The following CYTH3 variants were observed in gnomAD, a reference collection of about 807,000 sequenced individuals.
CYTH3 encodes cytohesin 3, also known as cytohesin-3.
CYTH3 carries 23 observed loss-of-function variants against 55.1 expected under a neutral mutation model. That is an observed-to-expected ratio of 0.42 (90% CI 0.30 to 0.59). CYTH3 has a LOEUF of 0.59. CYTH3 is among the 20% of genes least tolerant of loss of function. The probability of loss-of-function intolerance (pLI) is 0.20; values close to 1 mark genes in which losing one functional copy is unlikely to be tolerated. For synonymous variants in CYTH3, 249 were observed against 194.9 expected, an observed-to-expected ratio of 1.28 and a Z score of -2.31; for missense variants, 413 against 524.8, an observed-to-expected ratio of 0.79 and a Z score of 2.08.
intron 1 of CYTH3, among the ~76,000 whole-genome samples, chr7:6,230,679 T>C (rs1583181173): frequency 6.6e-6 from 1 of 152,086 alleles, no homozygotes; most frequent in Admixed American, 6.6e-5. Flanking sequence ...CTTTACTACA[T>C]GAGAAGGATC....
chr7:6,241,842 C>G (rs1779680653), intron 1 of CYTH3, among the ~76,000 whole-genome samples: 2 of 151,968 alleles, frequency 1.3e-5, no homozygotes, highest in Non-Finnish European at 2.9e-5. Context: ...CTCTGTGTAG[C>G]GAAATGATCT....
intron 1 of CYTH3, among the ~76,000 whole-genome samples, chr7:6,220,994 T>A (rs534674826): frequency 1.5e-4 from 22 of 149,046 alleles, no homozygotes; most frequent in Non-Finnish European, 2.7e-4. Context: ...AGACCCCTTC[T>A]CCAAAAAAAA....
In CYTH3 at chr7:6,165,572, G is replaced by A. The variant is rs575115053; in HGVS notation, c.945C>T (p.Ile315=). Residue 315 remains isoleucine (I), a synonymous_variant, in exon 11 of 13, where the codon ATC becomes ATT. Coordinates refer to ENST00000350796, the MANE Select transcript of CYTH3 (RefSeq NM_004227.4). ...RGIIPLENLS[I]REVEDPRKPN... is the part of the protein sequence containing the mutation. ...GTTTCCGGGGGTCCTCCACCTCCCT[G>A]ATGCTGAGGTTTTCCAACGGGATGA... is the stretch of plus-strand genomic sequence containing the variant. 2.2e-5 allele frequency: 35 copies of A among 1,614,124 alleles called. No individual in the cohort carries two copies. In the East Asian group the frequency reaches 7.6e-4, roughly 35 times the overall value.
At chr7:6,266,511 C>T (rs1780497537) in intron 1 of CYTH3, among the ~76,000 whole-genome samples, 1 of 152,178 alleles carries the variant, frequency 6.6e-6, no homozygotes, top group African/African-American at 2.4e-5. Flanking sequence ...ATAAAATCTG[C>T]ATTCCTTAGC....
rs1277447124 is a variant in CYTH3 at position 6,162,817 on chromosome 7, C to G, written c.*2127G>C. 3 of 152,626 alleles carry G rather than the reference C, an allele frequency of 2.0e-5. No homozygotes were observed. Among genetic ancestry groups the G allele is most frequent in the East Asian group, 1.9e-4 (1 of 5,194 alleles). The allele number at this position is 152,626 out of a possible 1,614,324, so 9.5% of individuals were successfully genotyped here. A position where few individuals can be genotyped will look rare whatever the true frequency, so the allele number is the denominator to read the frequency against. On this transcript the variant is annotated 3_prime_UTR_variant, in exon 13 of 13. Coordinates refer to ENST00000350796, the MANE Select transcript of CYTH3 (RefSeq NM_004227.4). The stretch of plus-strand genomic sequence containing the variant: ...CCCAAAACAGAAAGCTCTGCATCCC[C>G]AGGTCACACCTGGGTTGGTCAGAAG...
At chr7:6,254,319 C>T (rs769396994) in intron 1 of CYTH3, among the ~76,000 whole-genome samples, 1 of 152,006 alleles carries the variant, frequency 6.6e-6, no homozygotes, top group Non-Finnish European at 1.5e-5. Context: ...CTGGGGAAAG[C>T]AGAATGTGTA....
rs543900648 is a variant in CYTH3 at position 6,213,473 on chromosome 7, G to A, written c.35-22942C>T. Among the ~76,000 whole-genome samples the A allele has an allele frequency of 6.6e-5, 10 of 152,154 alleles. No individual in the cohort carries two copies. In the East Asian group the frequency reaches 1.4e-3, roughly 21 times the overall value. ...AACGTTGGTGCCTATCTACAACAACGACGGCTCTGATTCCATTCTTTGCAA... is the reference window on the plus strand; with the variant it reads ...AACGTTGGTGCCTATCTACAACAACAACGGCTCTGATTCCATTCTTTGCAA... On this transcript the variant is annotated intron_variant, in intron 1 of 12. Coordinates refer to ENST00000350796, the MANE Select transcript of CYTH3 (RefSeq NM_004227.4).
intron 4 of CYTH3, 41 bp from the exon 5 acceptor site, chr7:6,177,982 C>A (rs1783391670): frequency 6.8e-7 from 1 of 1,471,952 alleles, no homozygotes; most frequent in South Asian, 1.1e-5. Flanking sequence ...AGGAGTGTCA[C>A]TCAAACTCAT....
chr7:6,239,996 T>G (rs1464071711), intron 1 of CYTH3, among the ~76,000 whole-genome samples: 1 of 152,198 alleles, frequency 6.6e-6, no homozygotes, highest in Non-Finnish European at 1.5e-5. Flanking sequence ...TTAATTTATA[T>G]ATTTAATGCA....
chr7:6,165,249 C>T lies in CYTH3; in HGVS notation c.1127+24G>A, dbSNP rs1458342122. 9 of 1,597,514 alleles carry T rather than the reference C, an allele frequency of 5.6e-6. No individual in the cohort carries two copies. The South Asian group carries it at 9.0e-5, about 16-fold the overall frequency. The stretch of plus-strand genomic sequence containing the variant: ...AACCGGCACGAGAAGACGGGCCTGG[C>T]CCCGCCCCCGAGGCCCCACTCACTT... On this transcript the variant is annotated intron_variant, in intron 12 of 12. Transcript: ENST00000350796.
intron 1 of CYTH3, among the ~76,000 whole-genome samples, chr7:6,207,484 G>C (rs1243414186): frequency 6.6e-6 from 1 of 152,116 alleles, no homozygotes; most frequent in Non-Finnish European, 1.5e-5. Flanking sequence ...TGATGTTTGA[G>C]TCAGGTGGAG....
At chr7:6,226,632 G>A (rs1009692982) in intron 1 of CYTH3, among the ~76,000 whole-genome samples, 1 of 152,088 alleles carries the variant, frequency 6.6e-6, no homozygotes, top group Non-Finnish European at 1.5e-5. Flanking sequence ...ATTTCAACCC[G>A]TGTTGTGAGT....
At chr7:6,240,355 T>C (rs1779643203) in intron 1 of CYTH3, among the ~76,000 whole-genome samples, 1 of 148,266 alleles carries the variant, frequency 6.7e-6, no homozygotes, top group African/African-American at 2.5e-5. Flanking sequence ...GATGAGCAGA[T>C]TCTAAAGATC....
At chr7:6,190,124 G>A (rs556158652) in intron 2 of CYTH3, among the ~76,000 whole-genome samples, 13 of 152,278 alleles carry the variant, frequency 8.5e-5, no homozygotes, top group Non-Finnish European at 1.5e-4. Flanking sequence ...CAATGCGCTC[G>A]TGGCTTGCTG....
At chr7:6,188,889 C>A (rs903049160) in intron 2 of CYTH3, 1 of 152,182 alleles carries the variant, frequency 6.6e-6, no homozygotes, top group Non-Finnish European at 1.5e-5. Context: ...TGAAGGGTAA[C>A]CTTAGAAGAA....
intron 1 of CYTH3, among the ~76,000 whole-genome samples, chr7:6,270,333 T>C (rs1780617265): frequency 6.6e-6 from 1 of 152,190 alleles, no homozygotes; most frequent in Non-Finnish European, 1.5e-5. Context: ...ACTAAATCAA[T>C]AAAGGTTAAA....
At chr7:6,242,568 G>A (rs1185583375) in intron 1 of CYTH3, among the ~76,000 whole-genome samples, 1 of 150,760 alleles carries the variant, frequency 6.6e-6, no homozygotes, top group Non-Finnish European at 1.5e-5. Context: ...GTAGAGATGG[G>A]GTTTCACCAT....
chr7:6,186,480 C>G (rs556450806), intron 4 of CYTH3, among the ~76,000 whole-genome samples: 1 of 152,130 alleles, frequency 6.6e-6, no homozygotes, highest in Non-Finnish European at 1.5e-5. Context: ...TCACGGTTTT[C>G]GAGTGTCTCC....
At chr7:6,207,086 CTTTTTTTTTTTT>C (rs58910123) in intron 1 of CYTH3, among the ~76,000 whole-genome samples, 1 of 104,052 alleles carries the variant, frequency 9.6e-6, no homozygotes, top group East Asian at 4.3e-4. Flanking sequence ...AAATGTGCAA[CTTTTTTTTTTTT>C]TTTTTTTTTT....
Sources: gnomAD v4.1 joint callset for allele counts (sites outside exome capture counted in the v4.1 genomes callset) on GRCh38, gnomAD v4.1.1 for gene constraint, MANE v1.5 for transcripts, NCBI Gene and HGNC (gene_info 2026-07-23, HGNC 2026-07-21) for gene names.